The following FOXN3 variants were observed in gnomAD, a reference collection of about 807,000 sequenced individuals.
FOXN3 encodes the protein forkhead box N3, also known as forkhead box protein N3.
A neutral mutation model predicts 38.4 loss-of-function variants in FOXN3; 7 were observed. The observed-to-expected ratio is 0.18, with a 90% CI of 0.10 to 0.34. The LOEUF (loss-of-function observed/expected upper bound fraction) is 0.34. Ranked by LOEUF, FOXN3 falls within the 10% of genes least tolerant of loss-of-function variation. The pLI, the probability that FOXN3 is intolerant of heterozygous loss-of-function variation, is 1.00. For synonymous variants in FOXN3, 230 were observed against 242.2 expected, an observed-to-expected ratio of 0.95 and a Z score of 0.47; for missense variants, 456 against 613.4, an observed-to-expected ratio of 0.74 and a Z score of 2.71.
intron 4 of FOXN3, among the ~76,000 whole-genome samples, chr14:89,215,228 A>T (rs1458693711): frequency 1.6e-4 from 23 of 147,892 alleles, no homozygotes; most frequent in African/African-American, 5.0e-4. Context: ...GGTTAGAGTT[A>T]AAAAAAAGAA....
intron 1 of FOXN3, among the ~76,000 whole-genome samples, chr14:89,471,954 A>G (rs1461737228): frequency 1.3e-5 from 2 of 152,188 alleles, no homozygotes; most frequent in Non-Finnish European, 1.5e-5. Context: ...AATGTAGAGT[A>G]AGCAAGAAAA....
intron 4 of FOXN3, among the ~76,000 whole-genome samples, chr14:89,275,506 T>C (rs145278959): frequency 2.0e-5 from 3 of 152,266 alleles, no homozygotes; most frequent in South Asian, 2.1e-4. Context: ...AAGTGAAGGG[T>C]TGAGACCAGA....
intron 3 of FOXN3, among the ~76,000 whole-genome samples, chr14:89,325,309 ACC>A (rs1888034548): frequency 3.2e-5 from 4 of 126,402 alleles, no homozygotes; most frequent in African/African-American, 9.4e-5. Flanking sequence ...CAACACCACC[ACC>A]ACGACCACCA....
At chr14:89,463,099 C>T (rs371074574) in intron 1 of FOXN3, among the ~76,000 whole-genome samples, 20 of 149,960 alleles carry the variant, frequency 1.3e-4, no homozygotes, top group African/African-American at 4.2e-4. Flanking sequence ...GAAGATCTGG[C>T]TAACACGGTG....
chr14:89,550,015 G>A (rs182325400), intron 1 of FOXN3, among the ~76,000 whole-genome samples: 1 of 152,314 alleles, frequency 6.6e-6, no homozygotes, highest in African/African-American at 2.4e-5. Context: ...TCACAAGCAG[G>A]ACTAGAGAGT....
chr14:89,198,799 C>T (rs1180485083), intron 4 of FOXN3, among the ~76,000 whole-genome samples: 4 of 152,216 alleles, frequency 2.6e-5, no homozygotes, highest in African/African-American at 9.6e-5. Context: ...AGAAACCTCA[C>T]ACTAAGCTCA....
chr14:89,506,946 TC>T (rs1333200844), intron 1 of FOXN3, among the ~76,000 whole-genome samples: 1 of 152,042 alleles, frequency 6.6e-6, no homozygotes, highest in Non-Finnish European at 1.5e-5. Context: ...TTAAGAGTCA[TC>T]GCCACTCCCT....
chr14:89,486,657 G>T (rs1391092450), intron 1 of FOXN3: 1 of 152,186 alleles, frequency 6.6e-6, no homozygotes, highest in Admixed American at 6.5e-5. Flanking sequence ...GAGAATGCTG[G>T]TCTTCTAGAG....
chr14:89,415,606 A>C (rs1410185502), intron 1 of FOXN3, among the ~76,000 whole-genome samples: 2 of 15,752 alleles, frequency 1.3e-4, no homozygotes, highest in Non-Finnish European at 2.8e-4. Context: ...ACAATAACCA[A>C]AAAAAAAAAA....
At chr14:89,479,511 TG>T (rs1201300502) in intron 1 of FOXN3, among the ~76,000 whole-genome samples, 1 of 152,098 alleles carries the variant, frequency 6.6e-6, no homozygotes. Flanking sequence ...CTGTAGTCGG[TG>T]GTGGCGGTGT....
At chr14:89,616,521 A>ACCCCCCCCCCC (rs1161046760) in intron 1 of FOXN3, among the ~76,000 whole-genome samples, 105 of 137,872 alleles carry the variant, frequency 7.6e-4, no homozygotes, top group Non-Finnish European at 8.4e-4. Flanking sequence ...TCACTCCCCA[A>ACCCCCCCCCCC]CCCCACCCCC....
intron 1 of FOXN3, among the ~76,000 whole-genome samples, chr14:89,461,041 G>A (rs72703662): frequency 1.5e-5 from 2 of 137,496 alleles, no homozygotes; most frequent in East Asian, 2.2e-4. Context: ...AAAAAAAAGG[G>A]GGGGGGAGGG....
At chr14:89,201,030 T>G (rs1420920176) in intron 4 of FOXN3, among the ~76,000 whole-genome samples, 3 of 152,208 alleles carry the variant, frequency 2.0e-5, no homozygotes, top group Admixed American at 2.0e-4. Context: ...GAGCCATTAT[T>G]GAAGAGGCAG....
chr14:89,270,145 C>T (rs1490354465), intron 4 of FOXN3, among the ~76,000 whole-genome samples: 1 of 152,200 alleles, frequency 6.6e-6, no homozygotes, highest in Non-Finnish European at 1.5e-5. Context: ...GGATCTTAGT[C>T]ACTCAGAAGG....
chr14:89,469,593 T>C (rs1180256580), intron 1 of FOXN3, among the ~76,000 whole-genome samples: 1 of 152,222 alleles, frequency 6.6e-6, no homozygotes, highest in Admixed American at 6.5e-5. Flanking sequence ...CCTGGACTTC[T>C]TTAACTGGGA....
At chr14:89,582,828 G>A (rs963654931) in intron 1 of FOXN3, among the ~76,000 whole-genome samples, 1 of 152,080 alleles carries the variant, frequency 6.6e-6, no homozygotes, top group Non-Finnish European at 1.5e-5. Flanking sequence ...CCTTATAGAT[G>A]AGTCTGCATT....
At chr14:89,490,729 C>G (rs957135751) in intron 1 of FOXN3, among the ~76,000 whole-genome samples, 1 of 152,220 alleles carries the variant, frequency 6.6e-6, no homozygotes, top group East Asian at 1.9e-4. Context: ...GGTCCAGATG[C>G]TTTTGGTGCT....
intron 3 of FOXN3, among the ~76,000 whole-genome samples, chr14:89,343,623 T>C (rs1888678751): frequency 9.7e-6 from 1 of 102,924 alleles, no homozygotes; most frequent in Non-Finnish European, 1.9e-5. Context: ...CATTAATGTG[T>C]GTGGTTTTTT....
intron 5 of FOXN3, among the ~76,000 whole-genome samples, chr14:89,178,739 G>A (rs1887589836): frequency 6.6e-6 from 1 of 152,202 alleles, no homozygotes; most frequent in South Asian, 2.1e-4. Flanking sequence ...TGCCATGAGA[G>A]TAAGAATTAA....
Sources: gnomAD v4.1 joint callset for allele counts (sites outside exome capture counted in the v4.1 genomes callset) on GRCh38, gnomAD v4.1.1 for gene constraint, MANE v1.5 for transcripts, NCBI Gene and HGNC (gene_info 2026-07-23, HGNC 2026-07-21) for gene names.